The following EBF1 variants were observed in gnomAD, a reference collection of about 807,000 sequenced individuals.
The protein encoded by EBF1 is transcription factor COE1.
Under a neutral mutation model 68.4 loss-of-function variants are expected in EBF1, and 10 were observed. The observed-to-expected ratio is 0.15, with a 90% CI of 0.09 to 0.25. The LOEUF (loss-of-function observed/expected upper bound fraction) is 0.25. Among genes scored for constraint, EBF1 ranks in the 10% least tolerant of loss-of-function variants. The probability of loss-of-function intolerance (pLI) is 1.00; values close to 1 mark genes in which losing one functional copy is unlikely to be tolerated. For missense variants in EBF1, 509 were observed against 794.4 expected, an observed-to-expected ratio of 0.64 and a Z score of 4.32; for synonymous variants, 298 against 299.8, an observed-to-expected ratio of 0.99 and a Z score of 0.06.
At chr5:158,903,893 G>C (rs577223190) in intron 6 of EBF1, among the ~76,000 whole-genome samples, 1 of 152,198 alleles carries the variant, frequency 6.6e-6, no homozygotes, top group Admixed American at 6.5e-5. Flanking sequence ...CACCCCGTGA[G>C]GTAAAGTGGG....
chr5:158,893,343 C>A (rs192840572), intron 6 of EBF1, among the ~76,000 whole-genome samples: 1 of 152,282 alleles, frequency 6.6e-6, no homozygotes. Context: ...TCAGTGTAAT[C>A]TTCACAACAG....
At chr5:158,730,526 C>A (rs1379369090) in intron 11 of EBF1, among the ~76,000 whole-genome samples, 1 of 152,176 alleles carries the variant, frequency 6.6e-6, no homozygotes, top group Non-Finnish European at 1.5e-5. Flanking sequence ...ATTTTCCCAA[C>A]CAGGTAGAAT....
At chr5:158,864,599 C>CA (rs990319365) in intron 6 of EBF1, among the ~76,000 whole-genome samples, 3 of 151,620 alleles carry the variant, frequency 2.0e-5, no homozygotes, top group African/African-American at 4.9e-5. Context: ...GGAAAAAAGA[C>CA]AAAAAACAAG....
chr5:158,825,528 G>A lies in EBF1; in HGVS notation c.637-2211C>T, dbSNP rs919128842. 1.1e-4 allele frequency among the ~76,000 whole-genome samples: 16 copies of A among 150,828 alleles called. 1 individual carries two copies. Among genetic ancestry groups the A allele is most frequent in the Non-Finnish European group, 2.9e-5 (2 of 67,832 alleles). ...AACAATGACAATTCACCATGCACCTGTAAGACACAAGCTCTACAAACTTAA... is the reference window on the plus strand; with the variant it reads ...AACAATGACAATTCACCATGCACCTATAAGACACAAGCTCTACAAACTTAA... On this transcript the variant is annotated intron_variant, in intron 7 of 15. Transcript: ENST00000313708.
intron 6 of EBF1, among the ~76,000 whole-genome samples, chr5:158,841,459 T>G (rs772034705): frequency 2.6e-5 from 4 of 152,240 alleles, no homozygotes; most frequent in Non-Finnish European, 5.9e-5. Context: ...CAGGCCGAAA[T>G]GTTTCCTAAA....
rs145685758 is a variant in EBF1 at position 158,777,106 on chromosome 5, G to T, written c.1036+307C>A. ...CATAAAGCCAACAAACCCTAACAAG[G>T]TGGCTTAACATCCAGAAACTCAGGA... is the stretch of plus-strand genomic sequence containing the variant. On this transcript the variant is annotated intron_variant, in intron 10 of 15. Transcript: ENST00000313708. Among the ~76,000 whole-genome samples, 1,363 of 152,152 alleles carry T rather than the reference G, an allele frequency of 9.0e-3. 12 individuals carry two copies. Among genetic ancestry groups the T allele is most frequent in the Non-Finnish European group, 0.014 (933 of 67,996 alleles).
intron 6 of EBF1, among the ~76,000 whole-genome samples, chr5:158,892,886 C>T (rs1026220364): frequency 4.8e-5 from 7 of 146,438 alleles, no homozygotes; most frequent in African/African-American, 1.2e-4. Context: ...AGCACCTACT[C>T]GAAGCGCCCC....
chr5:158,722,249 A>T (rs1762074828), intron 11 of EBF1, among the ~76,000 whole-genome samples: 1 of 152,194 alleles, frequency 6.6e-6, no homozygotes, highest in Admixed American at 6.5e-5. Flanking sequence ...ACATGAAACA[A>T]AAACGGCCTA....
At chr5:158,888,161 T>C (rs889381919) in intron 6 of EBF1, among the ~76,000 whole-genome samples, 2 of 152,168 alleles carry the variant, frequency 1.3e-5, no homozygotes, top group Non-Finnish European at 1.5e-5. Flanking sequence ...AGGCAACATA[T>C]ATTGACAGTT....
intron 6 of EBF1, among the ~76,000 whole-genome samples, chr5:158,963,645 C>G (rs1259979849): frequency 1.3e-5 from 2 of 152,110 alleles, no homozygotes; most frequent in Non-Finnish European, 2.9e-5. Flanking sequence ...CACCTGATCC[C>G]CTTTGTAACT....
intron 6 of EBF1, among the ~76,000 whole-genome samples, chr5:159,066,485 G>A (rs772088096): frequency 2.6e-5 from 4 of 152,006 alleles, no homozygotes; most frequent in Non-Finnish European, 4.4e-5. Context: ...TAGATGGAAC[G>A]CCAATGGCCT....
At chr5:158,827,414 C>G (rs985138422) in intron 7 of EBF1, among the ~76,000 whole-genome samples, 2 of 152,140 alleles carry the variant, frequency 1.3e-5, no homozygotes, top group African/African-American at 4.8e-5. Flanking sequence ...TTTCTAGACC[C>G]TATCTGTATC....
chr5:159,009,453 T>C (rs1764204266), intron 6 of EBF1, among the ~76,000 whole-genome samples: 1 of 152,180 alleles, frequency 6.6e-6, no homozygotes, highest in Admixed American at 6.5e-5. Flanking sequence ...TATCACACTT[T>C]CTTTACTATG....
At chr5:158,850,563 T>C (rs1489268566) in intron 6 of EBF1, among the ~76,000 whole-genome samples, 1 of 152,218 alleles carries the variant, frequency 6.6e-6, no homozygotes, top group African/African-American at 2.4e-5. Context: ...TTGAAGAATT[T>C]TGATGCACAC....
chr5:158,731,812 A>T (rs1315175338), intron 10 of EBF1, among the ~76,000 whole-genome samples: 1 of 152,204 alleles, frequency 6.6e-6, no homozygotes, highest in East Asian at 1.9e-4. Context: ...TCTGTGAAGT[A>T]CTAGCTTAGA....
At chr5:158,745,522 C>T (rs1234029476) in intron 10 of EBF1, among the ~76,000 whole-genome samples, 1 of 152,158 alleles carries the variant, frequency 6.6e-6, no homozygotes, top group Non-Finnish European at 1.5e-5. Context: ...ACCAAGTCTC[C>T]ATGTAAAAGC....
At chr5:158,854,267 G>A (rs1039423060) in intron 6 of EBF1, among the ~76,000 whole-genome samples, 24 of 152,144 alleles carry the variant, frequency 1.6e-4, no homozygotes, top group African/African-American at 5.8e-4. Context: ...AACAAAACAA[G>A]GACCCCTGTG....
At chr5:158,931,250 G>A (rs1022099108) in intron 6 of EBF1, among the ~76,000 whole-genome samples, 6 of 152,078 alleles carry the variant, frequency 3.9e-5, no homozygotes, top group South Asian at 2.1e-4. Context: ...TTCCTATAGC[G>A]GTGTTGCTGA....
At chr5:158,884,426 G>A (rs992028097) in intron 6 of EBF1, among the ~76,000 whole-genome samples, 3 of 152,144 alleles carry the variant, frequency 2.0e-5, no homozygotes, top group Non-Finnish European at 4.4e-5. Context: ...TTTCTCATCT[G>A]TAAAATGAAA....
Sources: allele counts gnomAD v4.1 joint callset (sites outside exome capture counted in the v4.1 genomes callset), GRCh38; gene constraint gnomAD v4.1.1; transcripts MANE v1.5; gene names NCBI Gene and HGNC (gene_info 2026-07-23, HGNC 2026-07-21).